DCHS1: variants seen among roughly 807,000 people sequenced by gnomAD.
DCHS1 encodes the protein protocadherin-16.
In DCHS1, 78 loss-of-function variants were observed where a neutral mutation model predicts 213.9. That is an observed-to-expected ratio of 0.36 (90% confidence interval 0.30 to 0.44). The LOEUF (loss-of-function observed/expected upper bound fraction) is 0.44. Ranked by LOEUF, DCHS1 falls within the 20% of genes least tolerant of loss-of-function variation. DCHS1 has a pLI of 1.00. For synonymous variants in DCHS1, 1,828 were observed against 1,873.7 expected (o/e 0.98, Z 0.63); for missense variants, 3,946 against 4,395.9 (o/e 0.90, Z 2.89).
At position 6,641,355 on chromosome 11, in the gene DCHS1, C is replaced by T. The variant is rs774716860; in HGVS notation, c.259G>A (p.Gly87Ser). ...TCAATGGCCAGGTCTGTGCCCACGC[C>T]GCTGCCCTCTTGGGCAGAGATGAAG... is the stretch of plus-strand genomic sequence containing the variant. Reference protein sequence around the residue: ...MYFISAQEGSGVGTDLAIDEH... With the variant: ...MYFISAQEGSSVGTDLAIDEH... The change falls in exon 2 of 21, where the codon GGC becomes AGC. Residue 87 changes from glycine to serine, a missense_variant. By Grantham distance (56) the Gly-to-Ser change is moderately conservative (BLOSUM62 0). Coordinates refer to ENST00000299441, the MANE Select transcript of DCHS1 (RefSeq NM_003737.4). This position sits in a 1 kb window ranked among gnomAD's most constrained non-coding sequence, Gnocchi z 7.1. 42 of 1,613,560 alleles carry T rather than the reference C, an allele frequency of 2.6e-5. No homozygotes were observed. The highest frequency in any genetic ancestry group is 3.1e-5 in the Non-Finnish European group (37 of 1,179,888).
At position 6,640,523 on chromosome 11, in the gene DCHS1, A is replaced by T; in HGVS notation, c.1091T>A (p.Val364Asp). ...DANDNQPSMT[V>D]IFLSADGSPQ... is the part of the protein sequence containing the mutation. Reference sequence around the variant, plus strand: ...GGAGCCATCTGCACTGAGAAAGATGACAGTCATGGAGGGCTGATTGTCATT... The same window carrying T: ...GGAGCCATCTGCACTGAGAAAGATGTCAGTCATGGAGGGCTGATTGTCATT... The change falls in exon 2 of 21, where the codon GTC becomes GAC. Residue 364 changes from valine to aspartate, a missense_variant. Transcript: ENST00000299441. The surrounding 1 kb of genome is among the most constrained non-coding windows in gnomAD (Gnocchi z 6.5). 1 of 1,612,058 alleles carries T rather than the reference A, an allele frequency of 6.2e-7. No individual in the cohort carries two copies. Among genetic ancestry groups the T allele is most frequent in the Non-Finnish European group, 8.5e-7 (1 of 1,179,878 alleles).
Position 6,631,719 on chromosome 11 carries a change from C to G in DCHS1, c.3572G>C (p.Arg1191Pro). The change falls in exon 7 of 21, where the codon CGC (arginine) becomes CCC (proline). Residue 1191 changes from arginine to proline, a missense_variant. Coordinates refer to ENST00000299441, the MANE Select transcript of DCHS1 (RefSeq NM_003737.4). ...AACATGCACAGTGCCTGTGGTGCTG[C>G]GGGGTGGGCTCCCTCCATCCTGCAC... ...VQVQDGGSPP[R>P]STTGTVHVAV... The G allele has an allele frequency of 6.2e-7, 1 of 1,609,740 alleles. No homozygotes were observed. The highest frequency in any genetic ancestry group is 2.2e-5 in the East Asian group (1 of 44,792).
chr11:6,622,616 G>A lies in DCHS1; in HGVS notation c.9060C>T (p.Pro3020=), dbSNP rs1232036558. 2 of 1,583,666 alleles carry A rather than the reference G, an allele frequency of 1.3e-6. No individual in the cohort carries two copies. Among genetic ancestry groups the A allele is most frequent in the South Asian group, 1.2e-5 (1 of 86,534 alleles). ...YGGPGAGGPY[P]RGGSLDPSHS... ...GTGAAGGGTCCAAGGAGCCACCACG[G>A]GGGTAGGGTCCTCCAGCTCCTGGCC... is the stretch of plus-strand genomic sequence containing the variant. Residue 3020 remains proline (P), a synonymous_variant, in exon 21 of 21, where the codon CCC becomes CCT. Coordinates refer to ENST00000299441, the MANE Select transcript of DCHS1 (RefSeq NM_003737.4). This position sits in a 1 kb window ranked among gnomAD's most constrained non-coding sequence, Gnocchi z 5.4.
chr11:6,622,521 C>A lies in DCHS1; in HGVS notation c.9155G>T (p.Arg3052Leu). The stretch of plus-strand genomic sequence containing the variant: ...CAGAGAGGAGGCCACACTGGCCACA[C>A]GGGGGAACTCATTGATCATGCGGAT... ...DEIRMINEFP[R>L]VASVASSLAA... Residue 3052 changes from arginine (R) to leucine (L), a missense_variant, in exon 21 of 21, where the codon CGT becomes CTT. Coordinates refer to ENST00000299441, the MANE Select transcript of DCHS1 (RefSeq NM_003737.4). The surrounding 1 kb of genome is among the most constrained non-coding windows in gnomAD (Gnocchi z 5.4). The A allele has an allele frequency of 1.3e-6, 2 of 1,578,290 alleles. No homozygotes were observed. The highest frequency in any genetic ancestry group is 8.6e-7 in the Non-Finnish European group (1 of 1,162,644).
Position 6,627,205 on chromosome 11 carries a change from GAC to G in DCHS1, c.5832_5833del (p.Ser1945CysfsTer10). 1 of 1,613,220 alleles carries G rather than the reference GAC, an allele frequency of 6.2e-7. No homozygotes were observed. The highest frequency in any genetic ancestry group is 8.5e-7 in the Non-Finnish European group (1 of 1,179,840). On this transcript the variant is annotated frameshift_variant, in exon 14 of 21. Coordinates refer to ENST00000299441, the MANE Select transcript of DCHS1 (RefSeq NM_003737.4). LOFTEE classifies it high-confidence loss of function. The surrounding 1 kb of genome is among the most constrained non-coding windows in gnomAD (Gnocchi z 5.4). Reference sequence around the variant, plus strand: ...GACATCGCGCACCGTGATGGTGACAGACACTGTGGTGCTTAGGGGCCCAGCAG... The same window carrying G: ...GACATCGCGCACCGTGATGGTGACAGACTGTGGTGCTTAGGGGCCCAGCAG...
chr11:6,629,315 A>G, intron 12 of DCHS1, 137 bp downstream of exon 12: 1 of 1,263,552 alleles, frequency 7.9e-7, no homozygotes, highest in Non-Finnish European at 1.1e-6. Context: ...GACTCCCCAA[A>G]AGGGTCCAAA....
chr11:6,631,895 G>T (rs979667665), intron 6 of DCHS1, 86 bp from the exon 7 acceptor site: 3 of 1,455,436 alleles, frequency 2.1e-6, no homozygotes, highest in African/African-American at 2.8e-5. Flanking sequence ...TGTTTGGGGA[G>T]TGGGGGAGGG....
rs746670481 is a variant in DCHS1, at chr11:6,623,451, C to T, written c.8225G>A (p.Arg2742His). ...DGDAGAFGRL[R>H]YSLLEAGPGP... ...TGGCCCAGCCTCCAACAGGCTGTAA[C>T]GGAGCCTCCCAAAAGCCCCAGCATC... is the stretch of plus-strand genomic sequence containing the variant. Residue 2742 changes from arginine to histidine, a missense_variant, in exon 21 of 21, where the codon CGT (arginine) becomes CAT (histidine). Arg to His is a conservative substitution (Grantham distance 29). This residue lies in a region of DCHS1 where 3,384 missense variants were observed against 3,780.1 expected (regional missense o/e 0.90). Coordinates refer to ENST00000299441, the MANE Select transcript of DCHS1 (RefSeq NM_003737.4). 1.8e-5 allele frequency: 29 copies of T among 1,580,704 alleles called. No homozygotes were observed. The highest frequency in any genetic ancestry group is 1.7e-4 in the Middle Eastern group (1 of 6,052).
Position 6,628,469 on chromosome 11 carries a change from A to G in DCHS1, c.5371+152T>C, listed in dbSNP as rs1855846335. On this transcript the variant is annotated intron_variant, in intron 13 of 20. Transcript: ENST00000299441. This position sits in a 1 kb window ranked among gnomAD's most constrained non-coding sequence, Gnocchi z 4.3. The stretch of plus-strand genomic sequence containing the variant: ...ATAAAGAGCATGGAATGAGATACCT[A>G]GCTACACTGGGTATAAGCATGAAAG... Among the ~76,000 whole-genome samples, 1 of 152,238 alleles carries G rather than the reference A, an allele frequency of 6.6e-6. No individual in the cohort carries two copies. Among genetic ancestry groups the G allele is most frequent in the African/African-American group, 2.4e-5 (1 of 41,468 alleles).
chr11:6,628,484 A>C lies in DCHS1; in HGVS notation c.5371+137T>G. 1 of 864,952 alleles carries C rather than the reference A, an allele frequency of 1.2e-6. No individual in the cohort carries two copies. The highest frequency in any genetic ancestry group is 2.6e-5 in the East Asian group (1 of 38,006). 53.6% of individuals were successfully genotyped at this position (864,952 alleles called of 1,614,324 possible). On this transcript the variant is annotated intron_variant, in intron 13 of 20. Transcript: ENST00000299441. This position sits in a 1 kb window ranked among gnomAD's most constrained non-coding sequence, Gnocchi z 4.3. Reference sequence around the variant, plus strand: ...TGAGATACCTAGCTACACTGGGTATAAGCATGAAAGAAAAGGTGGACGACA... The same window carrying C: ...TGAGATACCTAGCTACACTGGGTATCAGCATGAAAGAAAAGGTGGACGACA...
At position 6,628,421 on chromosome 11, in the gene DCHS1, TAGAAAC is replaced by T. The variant is rs1237748773; in HGVS notation, c.5371+194_5371+199del. ...ATGAGAAAGAAAAGAAATAGGAAGA[TAGAAAC>T]AGAGACACACAGGGAGATAAAGAGC... On this transcript the variant is annotated intron_variant, in intron 13 of 20. Coordinates refer to ENST00000299441, the MANE Select transcript of DCHS1 (RefSeq NM_003737.4). This position sits in a 1 kb window ranked among gnomAD's most constrained non-coding sequence, Gnocchi z 4.3. Among the ~76,000 whole-genome samples, 1 of 152,062 alleles carries T rather than the reference TAGAAAC, an allele frequency of 6.6e-6. No individual in the cohort carries two copies. The highest frequency in any genetic ancestry group is 1.5e-5 in the Non-Finnish European group (1 of 67,996).
rs1025172940 is a variant in DCHS1 at position 6,625,415 on chromosome 11, C to G, written c.6929G>C (p.Trp2310Ser). The change falls in exon 19 of 21, where the codon TGG becomes TCG. Residue 2310 changes from tryptophan to serine, a missense_variant. Transcript: ENST00000299441. This position sits in a 1 kb window ranked among gnomAD's most constrained non-coding sequence, Gnocchi z 5.3. ...GGGCCCAGATGGGCTTAGCACATAC[C>G]ACAGCACGGGTCCTGAGTCCACATC... ...GNDVDSGPVL[W>S]YVLSPSGPQD... 8 of 1,605,834 alleles carry G rather than the reference C, an allele frequency of 5.0e-6. No homozygotes were observed. In the Admixed American group the frequency reaches 5.1e-5, roughly 10 times the overall value.
rs570787200 is a variant in DCHS1, at chr11:6,621,458, C to A, written c.*321G>T. The A allele has an allele frequency of 4.4e-6, 2 of 457,578 alleles. No individual in the cohort carries two copies. Among genetic ancestry groups the A allele is most frequent in the African/African-American group, 3.9e-5 (2 of 50,664 alleles). The allele number at this position is 457,578 out of a possible 1,614,324, so 28.3% of individuals were successfully genotyped here. On this transcript the variant is annotated 3_prime_UTR_variant, in exon 21 of 21. Coordinates refer to ENST00000299441, the MANE Select transcript of DCHS1 (RefSeq NM_003737.4). ...ACATGTTGGAGGGACCTCCTCCATC[C>A]CCCTACCCCCAATAAATAAAGTCTC...
At chr11:6,631,962 T>A (rs1432336597) in intron 6 of DCHS1, 69 bp downstream of exon 6, 20 of 1,470,552 alleles carry the variant, frequency 1.4e-5, no homozygotes, top group Non-Finnish European at 1.8e-5. Flanking sequence ...GGGTTGGGGA[T>A]CCTGTCTGAA....
rs1282479655 is a variant in DCHS1 at position 6,626,527 on chromosome 11, C to A, written c.6364+25G>T. Reference sequence around the variant, plus strand: ...TGCTTCCCCAGTAGCCTGTCCTGCACAGAGCCCCTGCTCCTATTTCTTACC... The same window carrying A: ...TGCTTCCCCAGTAGCCTGTCCTGCAAAGAGCCCCTGCTCCTATTTCTTACC... On this transcript the variant is annotated intron_variant, in intron 15 of 20. Transcript: ENST00000299441. The surrounding 1 kb of genome is among the most constrained non-coding windows in gnomAD (Gnocchi z 5.2). The A allele has an allele frequency of 6.2e-7, 1 of 1,612,694 alleles. No homozygotes were observed. The highest frequency in any genetic ancestry group is 8.5e-7 in the Non-Finnish European group (1 of 1,178,772).
rs1456635493 is a variant in DCHS1, at chr11:6,641,717, A to G, written c.-104T>C. On this transcript the variant is annotated 5_prime_UTR_variant, in exon 2 of 21. Transcript: ENST00000299441. The surrounding 1 kb of genome is among the most constrained non-coding windows in gnomAD (Gnocchi z 7.1). ...CAGGTCCCACTGGGGCCCTGGCTCC[A>G]GCTCAGGCTCCCTGACCTGGGAGAA... 22 of 1,445,434 alleles carry G rather than the reference A, an allele frequency of 1.5e-5. No individual in the cohort carries two copies. In the East Asian group the frequency reaches 3.5e-4, roughly 23 times the overall value. 89.5% of individuals were successfully genotyped at this position (1,445,434 alleles called of 1,614,324 possible). A position where few individuals can be genotyped will look rare whatever the true frequency, so the allele number is the denominator to read the frequency against.
chr11:6,624,007 G>C lies in DCHS1; in HGVS notation c.7669C>G (p.Leu2557Val). 6.2e-7 allele frequency: 1 copy of C among 1,613,104 alleles called. No individual in the cohort carries two copies. The highest frequency in any genetic ancestry group is 1.3e-5 in the African/African-American group (1 of 75,062). ...AGGCTTTCAAAGTCTAGAGGTTCAA[G>C]CAACACCAGGCAGCCCAGTGCCCGG... The part of the protein sequence containing the change: ...GPRALGCLVL[L>V]EPLDFESLTQ... The change falls in exon 21 of 21, where the codon CTT (leucine) becomes GTT (valine). Residue 2557 changes from leucine to valine, a missense_variant. By Grantham distance (32) the Leu-to-Val change is conservative. Transcript: ENST00000299441.
At chr11:6,644,651 C>T (rs760376370) in intron 1 of DCHS1, among the ~76,000 whole-genome samples, 1 of 152,220 alleles carries the variant, frequency 6.6e-6, no homozygotes, top group Non-Finnish European at 1.5e-5. Flanking sequence ...CCTCTTGATT[C>T]TCCAGCATTT....
rs765061208 is a variant in DCHS1, at chr11:6,631,124, A to C, written c.3859T>G (p.Tyr1287Asp). The change falls in exon 9 of 21, where the codon TAT (tyrosine) becomes GAT (aspartate). Residue 1287 changes from tyrosine (Y) to aspartate (D), a missense_variant. Coordinates refer to ENST00000299441, the MANE Select transcript of DCHS1 (RefSeq NM_003737.4). ...APLIRAERPH[Y>D]VLTLSAHDQG... ...TCATGAGCACTCAGTGTCAGCACAT[A>C]GTGGGGCCGCTCTGCTCGGATCAGG... is the stretch of plus-strand genomic sequence containing the variant. The C allele has an allele frequency of 6.2e-7, 1 of 1,613,432 alleles. No homozygotes were observed. Among genetic ancestry groups the C allele is most frequent in the Non-Finnish European group, 8.5e-7 (1 of 1,179,580 alleles).
Sources: allele counts gnomAD v4.1 joint callset (sites outside exome capture counted in the v4.1 genomes callset), GRCh38; gene constraint gnomAD v4.1.1; regional missense constraint gnomAD v4.1.1; non-coding constraint Gnocchi (gnomAD v3.1); transcripts MANE v1.5; gene names NCBI Gene and HGNC (gene_info 2026-07-23, HGNC 2026-07-21).